The following TMEM45A variants were observed in gnomAD, a reference collection of about 807,000 sequenced individuals.
TMEM45A encodes the protein transmembrane protein 45A.
A neutral mutation model predicts 32.0 loss-of-function variants in TMEM45A; 25 were observed. The ratio of observed to expected loss-of-function variants is 0.78; its 90% CI spans 0.57 to 1.09. The LOEUF (loss-of-function observed/expected upper bound fraction) is 1.09. TMEM45A is among the 50% of genes least tolerant of loss of function. The pLI is 0.00. For missense variants in TMEM45A, 302 were observed against 325.0 expected (o/e 0.93, Z 0.54); for synonymous variants, 122 against 114.8 (o/e 1.06, Z -0.40).
At chr3:100,547,366 TGCCTCA>T (rs1705998884) in intron 1 of TMEM45A, among the ~76,000 whole-genome samples, 1 of 152,094 alleles carries the variant, frequency 6.6e-6, no homozygotes, top group Admixed American at 6.6e-5. Context: ...ATGTTCTGCG[TGCCTCA>T]GCCTCCCAAA....
At chr3:100,508,898 A>G (rs1486641616) in intron 1 of TMEM45A, among the ~76,000 whole-genome samples, 1 of 152,214 alleles carries the variant, frequency 6.6e-6, no homozygotes, top group African/African-American at 2.4e-5. Flanking sequence ...ACTTCAGGGC[A>G]TTGGTCTAGG....
intron 4 of TMEM45A, among the ~76,000 whole-genome samples, chr3:100,560,093 G>T (rs1347617622): frequency 2.6e-5 from 4 of 152,040 alleles, no homozygotes; most frequent in Admixed American, 2.6e-4. Context: ...CTCTTTGATT[G>T]TGTTTTTTTA....
chr3:100,523,593 G>T (rs1705477503), intron 1 of TMEM45A, among the ~76,000 whole-genome samples: 1 of 152,178 alleles, frequency 6.6e-6, no homozygotes. Flanking sequence ...GTCAGAGGAG[G>T]TTCCCTGGCT....
rs532429281 is a variant in TMEM45A at position 100,521,237 on chromosome 3, G to A, written c.-4+28309G>A. 2.8e-4 allele frequency among the ~76,000 whole-genome samples: 43 copies of A among 151,882 alleles called. 1 individual carries two copies. The highest frequency in any genetic ancestry group is 9.4e-4 in the African/African-American group (39 of 41,472). On this transcript the variant is annotated intron_variant, in intron 1 of 5. Transcript: ENST00000323523. ...TGCACCTCCAGCTGAGATGGGATAC[G>A]GTAGGGTTTAGCTTTCATTTCCCCT...
intron 1 of TMEM45A, among the ~76,000 whole-genome samples, chr3:100,543,783 T>G (rs1705932491): frequency 6.6e-6 from 1 of 152,184 alleles, no homozygotes. Context: ...CTGTCTGTCA[T>G]GTATTTGAAA....
intron 5 of TMEM45A, chr3:100,572,976 C>G (rs1251709268): frequency 6.6e-6 from 1 of 151,608 alleles, no homozygotes; most frequent in Non-Finnish European, 1.5e-5. Context: ...GTTTTGGTAC[C>G]AGTACCATGC....
At chr3:100,569,776 T>C (rs942336473) in intron 5 of TMEM45A, among the ~76,000 whole-genome samples, 1 of 152,226 alleles carries the variant, frequency 6.6e-6, no homozygotes, top group Non-Finnish European at 1.5e-5. Flanking sequence ...ATATGAATCC[T>C]ACCCATGAGG....
chr3:100,546,521 T>C (rs1043283250), intron 1 of TMEM45A, among the ~76,000 whole-genome samples: 4 of 152,260 alleles, frequency 2.6e-5, no homozygotes, highest in African/African-American at 9.6e-5. Flanking sequence ...ACATCATTAA[T>C]GATCAGTGTG....
chr3:100,518,316 T>C (rs149705368), intron 1 of TMEM45A, among the ~76,000 whole-genome samples: 1 of 152,342 alleles, frequency 6.6e-6, no homozygotes, highest in African/African-American at 2.4e-5. Flanking sequence ...ATGTGCACTG[T>C]ATGAAACTGC....
intron 1 of TMEM45A, among the ~76,000 whole-genome samples, chr3:100,529,469 T>A (rs1463657020): frequency 6.6e-6 from 1 of 152,080 alleles, no homozygotes; most frequent in African/African-American, 2.4e-5. Flanking sequence ...CGAGGGGATG[T>A]GCAAGCGCTG....
chr3:100,557,092 G>T, intron 3 of TMEM45A, 120 bp downstream of exon 3: 1 of 1,122,842 alleles, frequency 8.9e-7, no homozygotes, highest in African/African-American at 1.5e-5. Flanking sequence ...CATATATCTG[G>T]GCCATAATGA....
In TMEM45A at chr3:100,523,698, TCTC is replaced by T. The variant is rs745997119; in HGVS notation, c.-4+30782_-4+30784del. On this transcript the variant is annotated intron_variant, in intron 1 of 5. Transcript: ENST00000323523. ...CCCCCTCCTTTCTCCTCCTTCTCCTTCTCCTCCTCCTCCTTTCTCCTCCTTCTC... is the reference window on the plus strand; with the variant it reads ...CCCCCTCCTTTCTCCTCCTTCTCCTTCTCCTCCTCCTTTCTCCTCCTTCTC... Among the ~76,000 whole-genome samples the T allele has an allele frequency of 4.4e-3, 544 of 122,644 alleles. 2 individuals carry two copies. Among genetic ancestry groups the T allele is most frequent in the Non-Finnish European group, 7.3e-3 (442 of 60,284 alleles). 80.5% of individuals were successfully genotyped at this position (122,644 alleles called of 152,430 possible). A position where few individuals can be genotyped will look rare whatever the true frequency, so the allele number is the denominator to read the frequency against.
At chr3:100,568,064 C>T (rs920985582) in intron 4 of TMEM45A, among the ~76,000 whole-genome samples, 4 of 152,264 alleles carry the variant, frequency 2.6e-5, no homozygotes, top group East Asian at 1.9e-4. Flanking sequence ...AGATTACAGG[C>T]GTGAGCCACC....
intron 1 of TMEM45A, among the ~76,000 whole-genome samples, chr3:100,541,131 G>T (rs1705865318): frequency 6.6e-6 from 1 of 152,148 alleles, no homozygotes; most frequent in Non-Finnish European, 1.5e-5. Flanking sequence ...CTTCTTTTGA[G>T]AAGTGTCTGT....
chr3:100,544,621 C>A (rs1424458239), intron 1 of TMEM45A, among the ~76,000 whole-genome samples: 2 of 152,050 alleles, frequency 1.3e-5, no homozygotes, highest in Non-Finnish European at 2.9e-5. Context: ...CAGTAAGTAC[C>A]CTTTAGTGTC....
rs978045644 is a variant in TMEM45A at position 100,501,457 on chromosome 3, C to T, written c.-4+8529C>T. On this transcript the variant is annotated intron_variant, in intron 1 of 5. Coordinates refer to ENST00000323523, the MANE Select transcript of TMEM45A (RefSeq NM_018004.3). ...TCCCAGCTAAAGTTCCAAACCCTCACAGGTGAGCTGGTGTCCTTCATTGCT... is the reference window on the plus strand; with the variant it reads ...TCCCAGCTAAAGTTCCAAACCCTCATAGGTGAGCTGGTGTCCTTCATTGCT... 5.9e-5 allele frequency among the ~76,000 whole-genome samples: 9 copies of T among 152,160 alleles called. No individual in the cohort carries two copies. The East Asian group carries it at 1.5e-3, about 26-fold the overall frequency.
intron 2 of TMEM45A, among the ~76,000 whole-genome samples, chr3:100,555,991 C>G (rs1200114658): frequency 1.3e-5 from 2 of 151,476 alleles, no homozygotes; most frequent in Admixed American, 1.3e-4. Context: ...TTCTTTTTTC[C>G]TTTTTTCTTT....
At chr3:100,553,886 T>C (rs778524537) in intron 1 of TMEM45A, among the ~76,000 whole-genome samples, 2 of 152,164 alleles carry the variant, frequency 1.3e-5, no homozygotes, top group Non-Finnish European at 2.9e-5. Flanking sequence ...AAGAGACTTT[T>C]AGTGTTTGGG....
chr3:100,524,370 T>G (rs1459214516), intron 1 of TMEM45A, among the ~76,000 whole-genome samples: 2 of 152,234 alleles, frequency 1.3e-5, no homozygotes, highest in Non-Finnish European at 2.9e-5. Flanking sequence ...TATGAAAGAA[T>G]CTAACATAGT....
Sources: allele counts gnomAD v4.1 joint callset (sites outside exome capture counted in the v4.1 genomes callset), GRCh38; gene constraint gnomAD v4.1.1; transcripts MANE v1.5; gene names NCBI Gene and HGNC (gene_info 2026-07-23, HGNC 2026-07-21).